Variants in PPP1R3A observed in about 807,000 individuals in gnomAD.
The protein encoded by PPP1R3A is RG1.
In PPP1R3A, 29 loss-of-function variants were observed where a neutral mutation model predicts 41.7. The observed-to-expected ratio is 0.70, with a 90% CI of 0.52 to 0.95. PPP1R3A has a LOEUF of 0.95. Among genes scored for constraint, PPP1R3A ranks in the 40% least tolerant of loss-of-function variants. PPP1R3A has a pLI of 0.00. For missense variants in PPP1R3A, 1,352 were observed against 1,292.4 expected (o/e 1.05, Z -0.71); for synonymous variants, 485 against 453.4 (o/e 1.07, Z -0.89).
rs773102433 is a variant in PPP1R3A at position 113,879,802 on chromosome 7, T to C, written c.1290A>G (p.Leu430=). 5.0e-6 allele frequency: 8 copies of C among 1,613,446 alleles called. No individual in the cohort carries two copies. Among genetic ancestry groups the C allele is most frequent in the Non-Finnish European group, 6.8e-6 (8 of 1,179,708 alleles). Residue 430 remains leucine (L), a synonymous_variant, in exon 4 of 4, where the codon TTA becomes TTG. Coordinates refer to ENST00000284601, the MANE Select transcript of PPP1R3A (RefSeq NM_002711.4). ...GDTSSDELVQ[L]HTGSKEVLDD... ...CCAGGACTTCTTTGCTGCCAGTATG[T>C]AATTGCACTAGTTCATCACTACTAG...
intron 1 of PPP1R3A, among the ~76,000 whole-genome samples, chr7:113,884,243 C>T (rs1796743728): frequency 6.6e-6 from 1 of 151,814 alleles, no homozygotes; most frequent in East Asian, 1.9e-4. Flanking sequence ...ATCAAAACAC[C>T]AAAACATTTT....
intron 1 of PPP1R3A, among the ~76,000 whole-genome samples, chr7:113,895,047 C>A (rs543525738): frequency 6.6e-6 from 1 of 152,058 alleles, no homozygotes; most frequent in Non-Finnish European, 1.5e-5. Context: ...CAGGTGTGAG[C>A]TCACAGCATC....
rs769948225 is a variant in PPP1R3A at position 113,878,402 on chromosome 7, A to G, written c.2690T>C (p.Ile897Thr). 1.2e-6 allele frequency: 2 copies of G among 1,611,776 alleles called. No homozygotes were observed. Among genetic ancestry groups the G allele is most frequent in the African/African-American group, 1.3e-5 (1 of 74,990 alleles). The change falls in exon 4 of 4, where the codon ATT becomes ACT. Residue 897 changes from isoleucine (I) to threonine (T), a missense_variant. Ile to Thr is a moderately conservative substitution (Grantham distance 89, BLOSUM62 -1). Coordinates refer to ENST00000284601, the MANE Select transcript of PPP1R3A (RefSeq NM_002711.4). ...ELSKKTDSDA[I>T]VHSAFNSDTN... is the part of the protein sequence containing the mutation. ...GTCTGAGTTAAAAGCAGAATGCACA[A>G]TGGCATCCGAGTCTGTTTTCTTTGA...
At position 113,879,359 on chromosome 7, in the gene PPP1R3A, G is replaced by C; in HGVS notation, c.1733C>G (p.Thr578Arg). The change falls in exon 4 of 4, where the codon ACA becomes AGA. Residue 578 changes from threonine (T) to arginine (R), a missense_variant. Thr to Arg is a moderately conservative substitution (Grantham distance 71). Transcript: ENST00000284601. ...CCTTGGTGAATGAGACACATCTGCT[G>C]TGATTGCCCGGGTGGGGATTGCGGT... ...EHTAIPTRAI[T>R]ADVSHSPRTN... The C allele has an allele frequency of 6.2e-7, 1 of 1,613,606 alleles. No individual in the cohort carries two copies. Among genetic ancestry groups the C allele is most frequent in the Non-Finnish European group, 8.5e-7 (1 of 1,179,708 alleles).
At chr7:113,904,423 T>TA (rs1278091791) in intron 1 of PPP1R3A, among the ~76,000 whole-genome samples, 1 of 151,712 alleles carries the variant, frequency 6.6e-6, no homozygotes, top group Non-Finnish European at 1.5e-5. Context: ...ATAATAGATT[T>TA]AAAAAATACA....
rs1189865342 is a variant in PPP1R3A at position 113,890,879 on chromosome 7, A to G, written c.783-8559T>C. 3.9e-5 allele frequency among the ~76,000 whole-genome samples: 6 copies of G among 152,008 alleles called. No individual in the cohort carries two copies. The East Asian group carries it at 1.2e-3, about 29-fold the overall frequency. ...AAAGATTTATTTTACTTTTTATGCC[A>G]AATTCCTCTCAGATTTGTAAGAGAC... On this transcript the variant is annotated intron_variant, in intron 1 of 3. Transcript: ENST00000284601.
intron 1 of PPP1R3A, among the ~76,000 whole-genome samples, chr7:113,900,722 GAT>G (rs1406405617): frequency 6.8e-6 from 1 of 147,338 alleles, no homozygotes; most frequent in African/African-American, 2.5e-5. Flanking sequence ...TGCTATACAT[GAT>G]ATATATAAGT....
At chr7:113,905,398 T>A (rs1356083157) in intron 1 of PPP1R3A, among the ~76,000 whole-genome samples, 2 of 151,750 alleles carry the variant, frequency 1.3e-5, no homozygotes, top group African/African-American at 2.4e-5. Flanking sequence ...AAAATTCCCA[T>A]TGCTTAAAGT....
chr7:113,889,217 G>A (rs542747770), intron 1 of PPP1R3A, among the ~76,000 whole-genome samples: 28 of 152,166 alleles, frequency 1.8e-4, no homozygotes, highest in Non-Finnish European at 3.8e-4. Flanking sequence ...ACAGGTGGGA[G>A]AGTCATTCCT....
Position 113,879,202 on chromosome 7 carries a change from A to G in PPP1R3A, c.1890T>C (p.Tyr630=). The G allele has an allele frequency of 6.2e-7, 1 of 1,613,626 alleles. No homozygotes were observed. The highest frequency in any genetic ancestry group is 8.5e-7 in the Non-Finnish European group (1 of 1,179,752). ...CTGATTTTTCTTCAACTTGGAAAAG[A>G]TAATCATTCCTCAAAACATTTCCAG... The part of the protein sequence containing the change: ...SRTGNVLRND[Y]LFQVEEKSGG... Residue 630 remains tyrosine (Y), a synonymous_variant, in exon 4 of 4, where the codon TAT becomes TAC. Transcript: ENST00000284601.
In PPP1R3A at chr7:113,877,561, T is replaced by A; in HGVS notation, c.*162A>T. On this transcript the variant is annotated 3_prime_UTR_variant, in exon 4 of 4. Coordinates refer to ENST00000284601, the MANE Select transcript of PPP1R3A (RefSeq NM_002711.4). ...CCAAACATAATGGTCCTATATAGAA[T>A]AATTACTTATATGAAGGAGCAAACT... The A allele has an allele frequency of 1.4e-6, 1 of 730,000 alleles. No individual in the cohort carries two copies. The highest frequency in any genetic ancestry group is 2.2e-6 in the Non-Finnish European group (1 of 456,892). The allele number at this position is 730,000 out of a possible 1,614,324, so 45.2% of individuals were successfully genotyped here. A position where few individuals can be genotyped will look rare whatever the true frequency, so the allele number is the denominator to read the frequency against.
In PPP1R3A at chr7:113,897,250, A is replaced by G. The variant is rs1796991894; in HGVS notation, c.783-14930T>C. On this transcript the variant is annotated intron_variant, in intron 1 of 3. Coordinates refer to ENST00000284601, the MANE Select transcript of PPP1R3A (RefSeq NM_002711.4). ...AGTCTATATTTATTGAGTATGAAAT[A>G]ATTATATCTCCATATAAATTAATTT... 2.6e-5 allele frequency among the ~76,000 whole-genome samples: 4 copies of G among 151,974 alleles called. No individual in the cohort carries two copies. The South Asian group carries it at 8.3e-4, about 32-fold the overall frequency.
rs1796617964 is a variant in PPP1R3A, at chr7:113,878,687, T to C, written c.2405A>G (p.Glu802Gly). The change falls in exon 4 of 4, where the codon GAA becomes GGA. Residue 802 changes from glutamate (E) to glycine (G), a missense_variant. By Grantham distance (98) the Glu-to-Gly change is moderately conservative. Coordinates refer to ENST00000284601, the MANE Select transcript of PPP1R3A (RefSeq NM_002711.4). ...TVGVIYDNDF[E>G]KESRLGICNV... ...ACAAATACCTAAACGTGATTCCTTTTCAAAATCATTGTCATAGATTACACC... is the reference window on the plus strand; with the variant it reads ...ACAAATACCTAAACGTGATTCCTTTCCAAAATCATTGTCATAGATTACACC... 6.2e-7 allele frequency: 1 copy of C among 1,613,308 alleles called. No individual in the cohort carries two copies. The highest frequency in any genetic ancestry group is 1.7e-5 in the Admixed American group (1 of 59,808).
intron 1 of PPP1R3A, among the ~76,000 whole-genome samples, chr7:113,894,562 G>GTT (rs1562921976): frequency 6.6e-6 from 1 of 151,886 alleles, no homozygotes; most frequent in South Asian, 2.1e-4. Context: ...TCCTCACAAC[G>GTT]TAAGTGCTGA....
chr7:113,908,670 C>T (rs925860178), intron 1 of PPP1R3A, among the ~76,000 whole-genome samples: 59 of 151,960 alleles, frequency 3.9e-4, no homozygotes, highest in African/African-American at 1.4e-3. Flanking sequence ...ATTTATTCAA[C>T]ATTTCTTTTC....
chr7:113,906,501 C>T (rs944821700), intron 1 of PPP1R3A, among the ~76,000 whole-genome samples: 12 of 151,266 alleles, frequency 7.9e-5, no homozygotes, highest in East Asian at 1.9e-4. Context: ...AGATATAAGA[C>T]GAAGAAATAG....
chr7:113,882,135 A>G lies in PPP1R3A; in HGVS notation c.870T>C (p.Ser290=). 1 of 1,611,844 alleles carries G rather than the reference A, an allele frequency of 6.2e-7. No individual in the cohort carries two copies. Among genetic ancestry groups the G allele is most frequent in the South Asian group, 1.1e-5 (1 of 91,044 alleles). Residue 290 remains serine, a synonymous_variant, in exon 3 of 4, where the codon TCT becomes TCC. Transcript: ENST00000284601. ...TDTYIPTIIC[S]HEDKEDLEAS... The stretch of plus-strand genomic sequence containing the variant: ...CTTCCAAATCTTCCTTGTCCTCATG[A>G]GAACAAATGATTGTTGGGATATAGG...
rs774324858 is a variant in PPP1R3A, at chr7:113,918,394, A to G, written c.603T>C (p.Asp201=). 4 of 1,613,502 alleles carry G rather than the reference A, an allele frequency of 2.5e-6. No individual in the cohort carries two copies. In the South Asian group the frequency reaches 3.3e-5, roughly 13 times the overall value. ...GTATACAAAACTCAACTTTACTGCC[A>G]TCTTTTTGATAAGGAGGAACCAATA... The part of the protein sequence containing the change: ...KIVLVPPYQK[D]GSKVEFCIRY... Residue 201 remains aspartate, a synonymous_variant, in exon 1 of 4, where the codon GAT becomes GAC. Coordinates refer to ENST00000284601, the MANE Select transcript of PPP1R3A (RefSeq NM_002711.4).
At position 113,918,287 on chromosome 7, in the gene PPP1R3A, T is replaced by C. The variant is rs1461402224; in HGVS notation, c.710A>G (p.Glu237Gly). Residue 237 changes from glutamate (E) to glycine (G), a missense_variant, in exon 1 of 4, where the codon GAG (glutamate) becomes GGG (glycine). Coordinates refer to ENST00000284601, the MANE Select transcript of PPP1R3A (RefSeq NM_002711.4). ...TTTCCATGGTTTTACAGGCTCCGGCTCTTGTTCTTTCTTTTGACAAATGAA... is the reference window on the plus strand; with the variant it reads ...TTTCCATGGTTTTACAGGCTCCGGCCCTTGTTCTTTCTTTTGACAAATGAA... ...YTFICQKKEQEPEPVKPWKEV... is the reference protein window; with the variant it reads ...YTFICQKKEQGPEPVKPWKEV... 6.2e-7 allele frequency: 1 copy of C among 1,612,218 alleles called. No homozygotes were observed. The highest frequency in any genetic ancestry group is 1.1e-5 in the South Asian group (1 of 90,762).
Sources: allele counts gnomAD v4.1 joint callset (sites outside exome capture counted in the v4.1 genomes callset), GRCh38; gene constraint gnomAD v4.1.1; transcripts MANE v1.5; gene names NCBI Gene and HGNC (gene_info 2026-07-23, HGNC 2026-07-21).